EPB41L1: variants seen among roughly 807,000 people sequenced by gnomAD.
The protein encoded by EPB41L1 is band 4.1-like protein 1.
A neutral mutation model predicts 97.8 loss-of-function variants in EPB41L1; 29 were observed. That is an observed-to-expected ratio of 0.30 (90% CI 0.22 to 0.40). The LOEUF is 0.40. Ranked by LOEUF, EPB41L1 falls within the 10% of genes least tolerant of loss-of-function variation. The probability of loss-of-function intolerance (pLI) is 1.00; values close to 1 mark genes in which losing one functional copy is unlikely to be tolerated. For missense variants in EPB41L1, 812 were observed against 1,162.3 expected (o/e 0.70, Z 4.38); for synonymous variants, 383 against 459.2 (o/e 0.83, Z 2.12).
At chr20:36,180,063 G>A (rs899172418) in intron 5 of EPB41L1, among the ~76,000 whole-genome samples, 1 of 152,208 alleles carries the variant, frequency 6.6e-6, no homozygotes, top group African/African-American at 2.4e-5. Flanking sequence ...CCCTCCCAGA[G>A]GTGGCCTGCA....
rs1274440605 is a variant in EPB41L1 at position 36,190,042 on chromosome 20, G to A, written c.1027-235G>A. Among the ~76,000 whole-genome samples, 2 of 152,144 alleles carry A rather than the reference G, an allele frequency of 1.3e-5. No homozygotes were observed. The highest frequency in any genetic ancestry group is 2.1e-4 in the South Asian group (1 of 4,832). On this transcript the variant is annotated intron_variant, in intron 9 of 21. Transcript: ENST00000338074. This position sits in a 1 kb window ranked among gnomAD's most constrained non-coding sequence, Gnocchi z 5.8. ...TCTACAAAAAATTAGCTGGTGTGGT[G>A]TCGTCTGACTGTAGTCCTGGCTACT... is the stretch of plus-strand genomic sequence containing the variant.
chr20:36,219,446 A>G (rs2063644144), intron 18 of EPB41L1, among the ~76,000 whole-genome samples: 1 of 152,194 alleles, frequency 6.6e-6, no homozygotes, highest in South Asian at 2.1e-4. Flanking sequence ...AGGATGGGGC[A>G]TCAGGAGGGC....
intron 1 of EPB41L1, 144 bp downstream of exon 1, chr20:36,155,040 T>G: frequency 1.3e-6 from 1 of 753,060 alleles, no homozygotes; most frequent in Non-Finnish European, 1.9e-6. Flanking sequence ...TGGGGGAGGG[T>G]CTCGCTGTTC....
rs111619149 is a variant in EPB41L1 at position 36,173,825 on chromosome 20, G to A, written c.48G>A (p.Glu16=). Residue 16 remains glutamate (E), a synonymous_variant, in exon 2 of 22, where the codon GAG becomes GAA. Transcript: ENST00000338074. The part of the protein sequence containing the change: ...GPDSEVKKAQ[E]EAPQQPEAAA... ...ACTCTGAGGTGAAGAAAGCTCAGGAGGAGGCCCCGCAGCAGCCCGAGGCTG... is the reference window on the plus strand; with the variant it reads ...ACTCTGAGGTGAAGAAAGCTCAGGAAGAGGCCCCGCAGCAGCCCGAGGCTG... 1.6e-5 allele frequency: 26 copies of A among 1,614,072 alleles called. 1 individual carries two copies. The highest frequency in any genetic ancestry group is 1.2e-4 in the African/African-American group (9 of 75,062).
chr20:36,134,147 G>GT (rs1454426861), intron 2 of EPB41L1, among the ~76,000 whole-genome samples: 2 of 152,178 alleles, frequency 1.3e-5, no homozygotes, highest in Non-Finnish European at 2.9e-5. Flanking sequence ...TTTGAACCCA[G>GT]GTCTGTCTGT....
At chr20:36,205,237 T>G (rs1364130000) in intron 14 of EPB41L1, among the ~76,000 whole-genome samples, 2 of 152,186 alleles carry the variant, frequency 1.3e-5, no homozygotes, top group African/African-American at 4.8e-5. Context: ...TCCCTTCAAT[T>G]TGCCATTAGG....
At position 36,222,481 on chromosome 20, in the gene EPB41L1, G is replaced by C; in HGVS notation, c.2637+87G>C. The C allele has an allele frequency of 5.4e-6, 6 of 1,105,558 alleles. No individual in the cohort carries two copies. The South Asian group carries it at 7.5e-5, about 14-fold the overall frequency. 68.5% of individuals were successfully genotyped at this position (1,105,558 alleles called of 1,614,324 possible). On this transcript the variant is annotated intron_variant, in intron 21 of 21. Transcript: ENST00000338074. Reference sequence around the variant, plus strand: ...AGGGCCATTTCCATCTGAGAAGCCAGTGGCTTGACCCCTAGTGCAGCTTTG... The same window carrying C: ...AGGGCCATTTCCATCTGAGAAGCCACTGGCTTGACCCCTAGTGCAGCTTTG...
intron 1 of EPB41L1, chr20:36,155,580 C>A (rs1393117077): frequency 2.2e-6 from 1 of 456,456 alleles, no homozygotes; most frequent in Admixed American, 2.3e-5. Flanking sequence ...ATGTCTACAG[C>A]CATTGGGGTA....
chr20:36,146,810 A>G (rs1030166982), intron 2 of EPB41L1, among the ~76,000 whole-genome samples: 4 of 151,990 alleles, frequency 2.6e-5, no homozygotes, highest in Non-Finnish European at 4.4e-5. Context: ...TGAGGTCTTC[A>G]TAACAGTCCC....
In EPB41L1 at chr20:36,212,165, A is replaced by C; in HGVS notation, c.2080-107A>C. The C allele has an allele frequency of 3.8e-6, 4 of 1,042,912 alleles. No individual in the cohort carries two copies. In the Admixed American group the frequency reaches 7.2e-5, roughly 19 times the overall value. The allele number at this position is 1,042,912 out of a possible 1,614,324, so 64.6% of individuals were successfully genotyped here. On this transcript the variant is annotated intron_variant, in intron 15 of 21. Coordinates refer to ENST00000338074, the MANE Select transcript of EPB41L1 (RefSeq NM_012156.2). This position sits in a 1 kb window ranked among gnomAD's most constrained non-coding sequence, Gnocchi z 4.8. ...AGAGTACCCTTCCAGAGATGTGGCCAGCTGTGGGGATAGGAGATAGCCTGC... is the reference window on the plus strand; with the variant it reads ...AGAGTACCCTTCCAGAGATGTGGCCCGCTGTGGGGATAGGAGATAGCCTGC...
chr20:36,205,446 C>G (rs1274326924), intron 14 of EPB41L1, among the ~76,000 whole-genome samples: 2 of 152,164 alleles, frequency 1.3e-5, no homozygotes, highest in Admixed American at 1.3e-4. Context: ...ACTTTTGACT[C>G]TAACATTCAA....
At chr20:36,165,381 T>G (rs750933087) in intron 1 of EPB41L1, among the ~76,000 whole-genome samples, 2 of 152,100 alleles carry the variant, frequency 1.3e-5, no homozygotes, top group Non-Finnish European at 2.9e-5. Flanking sequence ...TCATCCCTGT[T>G]TGACACATGA....
chr20:36,195,485 T>G lies in EPB41L1; in HGVS notation c.1485+121T>G. 2 of 1,179,766 alleles carry G rather than the reference T, an allele frequency of 1.7e-6. No individual in the cohort carries two copies. Among genetic ancestry groups the G allele is most frequent in the Non-Finnish European group, 2.5e-6 (2 of 802,682 alleles). 73.1% of individuals were successfully genotyped at this position (1,179,766 alleles called of 1,614,324 possible). ...ACCATCTCAGCTTCAACTTCATCTC[T>G]GCTCCCCAGCCATCCCCCTCTGCAG... On this transcript the variant is annotated intron_variant, in intron 13 of 21. Coordinates refer to ENST00000338074, the MANE Select transcript of EPB41L1 (RefSeq NM_012156.2). The surrounding 1 kb of genome is among the most constrained non-coding windows in gnomAD (Gnocchi z 4.6).
Position 36,222,475 on chromosome 20 carries a change from A to AAGCC in EPB41L1, c.2637+84_2637+87dup, listed in dbSNP as rs1390306850. On this transcript the variant is annotated intron_variant, in intron 21 of 21. Transcript: ENST00000338074. ...CCTCTGAGGGCCATTTCCATCTGAG[A>AAGCC]AGCCAGTGGCTTGACCCCTAGTGCA... 62 of 1,168,452 alleles carry AAGCC rather than the reference A, an allele frequency of 5.3e-5. 1 individual carries two copies. The highest frequency in any genetic ancestry group is 6.4e-6 in the Non-Finnish European group (5 of 782,152). The allele number at this position is 1,168,452 out of a possible 1,614,324, so 72.4% of individuals were successfully genotyped here.
Position 36,232,272 on chromosome 20 carries a change from CAGG to C in EPB41L1, c.*2936_*2938del, listed in dbSNP as rs2064521846. ...ATCCTCTCTGTGCCACCTCTCCACC[CAGG>C]AGGCCATGTAGCATAGTGGAAAAAG... On this transcript the variant is annotated 3_prime_UTR_variant, in exon 22 of 22. Coordinates refer to ENST00000338074, the MANE Select transcript of EPB41L1 (RefSeq NM_012156.2). 4.0e-6 allele frequency: 1 copy of C among 247,622 alleles called. No homozygotes were observed. The highest frequency in any genetic ancestry group is 2.2e-5 in the African/African-American group (1 of 45,034). 15.3% of individuals were successfully genotyped at this position (247,622 alleles called of 1,614,324 possible). A position where few individuals can be genotyped will look rare whatever the true frequency, so the allele number is the denominator to read the frequency against.
intron 7 of EPB41L1, among the ~76,000 whole-genome samples, chr20:36,186,147 C>A (rs1202623265): frequency 6.6e-6 from 1 of 152,172 alleles, no homozygotes; most frequent in African/African-American, 2.4e-5. Context: ...CTTCTCAGTC[C>A]TTGTAACAAC....
At chr20:36,122,259 T>C (rs2147681028) in intron 2 of EPB41L1, among the ~76,000 whole-genome samples, 1 of 152,308 alleles carries the variant, frequency 6.6e-6, no homozygotes, top group African/African-American at 2.4e-5. Flanking sequence ...GCAAACAGCC[T>C]ATAGGTTGAG....
chr20:36,205,815 C>A, intron 14 of EPB41L1: 1 of 1,260,312 alleles, frequency 7.9e-7, no homozygotes, highest in Non-Finnish European at 1.0e-6. Flanking sequence ...CCTGATATTT[C>A]ATGTTAACTC....
At position 36,221,844 on chromosome 20, in the gene EPB41L1, A is replaced by G. The variant is rs777732874; in HGVS notation, c.2440-20A>G. Reference sequence around the variant, plus strand: ...CCCAACAGGACCCAAGAGTGACCTCACCTCCCTCTCCCTCTGCAGACTGTG... The same window carrying G: ...CCCAACAGGACCCAAGAGTGACCTCGCCTCCCTCTCCCTCTGCAGACTGTG... On this transcript the variant is annotated intron_variant, in intron 19 of 21. Coordinates refer to ENST00000338074, the MANE Select transcript of EPB41L1 (RefSeq NM_012156.2). 15 of 1,612,966 alleles carry G rather than the reference A, an allele frequency of 9.3e-6. No homozygotes were observed. In the South Asian group the frequency reaches 1.6e-4, roughly 18 times the overall value.
Sources: allele counts gnomAD v4.1 joint callset (sites outside exome capture counted in the v4.1 genomes callset), GRCh38; gene constraint gnomAD v4.1.1; non-coding constraint Gnocchi (gnomAD v3.1); transcripts MANE v1.5; gene names NCBI Gene and HGNC (gene_info 2026-07-23, HGNC 2026-07-21).